The following LPGAT1 variants were observed in gnomAD, a reference collection of about 807,000 sequenced individuals.
The protein encoded by LPGAT1 is lysophosphatidylglycerol acyltransferase 1, also known as acyl-CoA:lysophosphatidylglycerol acyltransferase 1.
A neutral mutation model predicts 47.5 loss-of-function variants in LPGAT1; 11 were observed. That is an observed-to-expected ratio of 0.23 (90% confidence interval 0.15 to 0.38). The LOEUF is 0.38. Ranked by LOEUF, LPGAT1 falls within the 10% of genes least tolerant of loss-of-function variation. LPGAT1 has a pLI of 1.00. For synonymous variants in LPGAT1, 138 were observed against 144.2 expected (o/e 0.96, Z 0.31); for missense variants, 293 against 439.0 (o/e 0.67, Z 2.97).
intron 2 of LPGAT1, among the ~76,000 whole-genome samples, chr1:211,816,727 A>G (rs1660189919): frequency 6.6e-6 from 1 of 152,212 alleles, no homozygotes; most frequent in Non-Finnish European, 1.5e-5. Flanking sequence ...ACCAGGCTTC[A>G]CTTTACATTC....
Position 211,749,817 on chromosome 1 carries a change from T to C in LPGAT1, c.*82A>G, listed in dbSNP as rs1657099008. The C allele has an allele frequency of 7.3e-7, 1 of 1,370,900 alleles. No individual in the cohort carries two copies. Among genetic ancestry groups the C allele is most frequent in the Non-Finnish European group, 1.0e-6 (1 of 984,358 alleles). 84.9% of individuals were successfully genotyped at this position (1,370,900 alleles called of 1,614,324 possible). A position where few individuals can be genotyped will look rare whatever the true frequency, so the allele number is the denominator to read the frequency against. On this transcript the variant is annotated 3_prime_UTR_variant, in exon 8 of 8. Coordinates refer to ENST00000366997, the MANE Select transcript of LPGAT1 (RefSeq NM_014873.3). ...CTTTTGCTTTTTTTTAAATATATTC[T>C]GATTTGCACATGTAAAATAATGCAC...
At chr1:211,784,347 C>T (rs1658759654) in intron 4 of LPGAT1, among the ~76,000 whole-genome samples, 1 of 151,974 alleles carries the variant, frequency 6.6e-6, no homozygotes, top group African/African-American at 2.4e-5. Flanking sequence ...CAAAAATTAG[C>T]TGGGTGCGAT....
intron 4 of LPGAT1, 85 bp downstream of exon 4, chr1:211,787,547 T>A: frequency 5.0e-6 from 3 of 604,052 alleles, no homozygotes; most frequent in Non-Finnish European, 5.8e-6. Flanking sequence ...CTACCTATTA[T>A]AATTGGTTTT....
chr1:211,805,474 C>A (rs1659720763), intron 2 of LPGAT1, among the ~76,000 whole-genome samples: 1 of 152,074 alleles, frequency 6.6e-6, no homozygotes, highest in African/African-American at 2.4e-5. Context: ...ATCATAAAGT[C>A]AAAAAATTGT....
In LPGAT1 at chr1:211,799,913, G is replaced by A. The variant is rs150498377; in HGVS notation, c.239-6723C>T. 2.5e-3 allele frequency among the ~76,000 whole-genome samples: 373 copies of A among 152,214 alleles called. 3 individuals are homozygous for A. Among genetic ancestry groups the A allele is most frequent in the African/African-American group, 8.3e-3 (346 of 41,546 alleles). ...CCAGTCATCTGAAGATGAAACCTAA[G>A]ACTATCTTTCATTTCTCCCTTTCCT... On this transcript the variant is annotated intron_variant, in intron 2 of 7. Coordinates refer to ENST00000366997, the MANE Select transcript of LPGAT1 (RefSeq NM_014873.3).
chr1:211,776,802 A>G lies in LPGAT1; in HGVS notation c.854+2116T>C, dbSNP rs997084259. 4.5e-4 allele frequency among the ~76,000 whole-genome samples: 69 copies of G among 151,896 alleles called. 1 individual carries two copies. The highest frequency in any genetic ancestry group is 1.6e-3 in the African/African-American group (68 of 41,356). On this transcript the variant is annotated intron_variant, in intron 6 of 7. Transcript: ENST00000366997. Reference sequence around the variant, plus strand: ...TTTTCAAATCTCCCCATAGGTGAAGATAAGGAAGCCAACACGAAACAAAAC... The same window carrying G: ...TTTTCAAATCTCCCCATAGGTGAAGGTAAGGAAGCCAACACGAAACAAAAC...
chr1:211,755,802 ACT>A (rs1657421008), intron 6 of LPGAT1, among the ~76,000 whole-genome samples: 1 of 152,136 alleles, frequency 6.6e-6, no homozygotes, highest in South Asian at 2.1e-4. Context: ...ACAGAAAATA[ACT>A]CTCCCATTCT....
At chr1:211,777,207 A>G (rs1658439432) in intron 6 of LPGAT1, among the ~76,000 whole-genome samples, 1 of 152,162 alleles carries the variant, frequency 6.6e-6, no homozygotes, top group East Asian at 1.9e-4. Flanking sequence ...TGCTAAAGAC[A>G]TGGCCCAAAT....
Position 211,830,440 on chromosome 1 carries a change from C to T in LPGAT1, c.-28+133G>A, listed in dbSNP as rs1291003869. On this transcript the variant is annotated intron_variant, in intron 1 of 7. Coordinates refer to ENST00000366997, the MANE Select transcript of LPGAT1 (RefSeq NM_014873.3). The surrounding 1 kb of genome is among the most constrained non-coding windows in gnomAD (Gnocchi z 5.9). ...CCCGCCTCCTCCCCGGGGCCTACCG[C>T]GCCCTCGTCCCTCAGGCCGCTGCCG... 2 of 1,175,026 alleles carry T rather than the reference C, an allele frequency of 1.7e-6. No individual in the cohort carries two copies. The highest frequency in any genetic ancestry group is 2.1e-6 in the Non-Finnish European group (2 of 948,734). The allele number at this position is 1,175,026 out of a possible 1,614,324, so 72.8% of individuals were successfully genotyped here. A position where few individuals can be genotyped will look rare whatever the true frequency, so the allele number is the denominator to read the frequency against.
intron 6 of LPGAT1, among the ~76,000 whole-genome samples, chr1:211,770,368 G>C (rs935534285): frequency 6.6e-6 from 1 of 152,062 alleles, no homozygotes; most frequent in African/African-American, 2.4e-5. Flanking sequence ...GCCCTGTTTT[G>C]CATTTCCCTG....
In LPGAT1 at chr1:211,746,559, T is replaced by C. The variant is rs1656950311; in HGVS notation, c.*3340A>G. 6.6e-6 allele frequency: 1 copy of C among 152,182 alleles called. No individual in the cohort carries two copies. The allele number at this position is 152,182 out of a possible 1,614,324, so 9.4% of individuals were successfully genotyped here. ...ATTCAAACTCCTAAATAAAAGTAAT[T>C]TTTGATTTACCTATCATTTATTACC... is the stretch of plus-strand genomic sequence containing the variant. On this transcript the variant is annotated 3_prime_UTR_variant, in exon 8 of 8. Coordinates refer to ENST00000366997, the MANE Select transcript of LPGAT1 (RefSeq NM_014873.3).
chr1:211,830,492 C>T lies in LPGAT1; in HGVS notation c.-28+81G>A, dbSNP rs1157256640. The T allele has an allele frequency of 3.4e-6, 4 of 1,191,448 alleles. No individual in the cohort carries two copies. Among genetic ancestry groups the T allele is most frequent in the East Asian group, 3.5e-5 (1 of 28,572 alleles). The allele number at this position is 1,191,448 out of a possible 1,614,324, so 73.8% of individuals were successfully genotyped here. A position where few individuals can be genotyped will look rare whatever the true frequency, so the allele number is the denominator to read the frequency against. ...CTCCCCGGGCCACGCGACGACGACA[C>T]CCCCTTCCCCGCCCCCAGCGCCTCC... On this transcript the variant is annotated intron_variant, in intron 1 of 7. Coordinates refer to ENST00000366997, the MANE Select transcript of LPGAT1 (RefSeq NM_014873.3). The surrounding 1 kb of genome is among the most constrained non-coding windows in gnomAD (Gnocchi z 5.9).
At chr1:211,804,305 C>T (rs1488200797) in intron 2 of LPGAT1, among the ~76,000 whole-genome samples, 4 of 152,112 alleles carry the variant, frequency 2.6e-5, no homozygotes, top group African/African-American at 7.2e-5. Flanking sequence ...CCACCTTGGG[C>T]TCCCACAGTA....
At chr1:211,806,259 CAAAA>C (rs141014104) in intron 2 of LPGAT1, among the ~76,000 whole-genome samples, 2 of 88,206 alleles carry the variant, frequency 2.3e-5, no homozygotes, top group African/African-American at 4.4e-5. Context: ...GGGTCTGTCT[CAAAA>C]AAAAAAAAAA....
chr1:211,812,601 T>C (rs1430493290), intron 2 of LPGAT1, among the ~76,000 whole-genome samples: 1 of 152,204 alleles, frequency 6.6e-6, no homozygotes, highest in Non-Finnish European at 1.5e-5. Context: ...GTCAAATCCC[T>C]GGAACCTGTG....
chr1:211,798,881 T>C (rs981035679), intron 2 of LPGAT1, among the ~76,000 whole-genome samples: 2 of 152,046 alleles, frequency 1.3e-5, no homozygotes, highest in African/African-American at 4.8e-5. Flanking sequence ...TACTGATTAA[T>C]GGAGTGGAGA....
intron 2 of LPGAT1, among the ~76,000 whole-genome samples, chr1:211,820,594 G>A (rs1660334994): frequency 6.6e-6 from 1 of 150,510 alleles, no homozygotes; most frequent in Non-Finnish European, 1.5e-5. Context: ...AGAAGAAACT[G>A]ATAGGAGAAC....
chr1:211,829,332 A>C lies in LPGAT1; in HGVS notation c.-27-9T>G. On this transcript the variant is annotated splice_polypyrimidine_tract_variant and intron_variant, in intron 1 of 7. Transcript: ENST00000366997. Reference sequence around the variant, plus strand: ...GACTCCGTCCTGTCTTTCTGGGGTGAAAGAAAAATTCACTTAAAAAGGAAA... The same window carrying C: ...GACTCCGTCCTGTCTTTCTGGGGTGCAAGAAAAATTCACTTAAAAAGGAAA... 6.2e-7 allele frequency: 1 copy of C among 1,608,510 alleles called. No homozygotes were observed. Among genetic ancestry groups the C allele is most frequent in the Non-Finnish European group, 8.5e-7 (1 of 1,176,918 alleles).
At chr1:211,813,479 C>A (rs1252058445) in intron 2 of LPGAT1, among the ~76,000 whole-genome samples, 1 of 151,996 alleles carries the variant, frequency 6.6e-6, no homozygotes, top group East Asian at 1.9e-4. Flanking sequence ...GATCAGAGAG[C>A]AAAATTTTCA....
Sources: allele counts gnomAD v4.1 joint callset (sites outside exome capture counted in the v4.1 genomes callset), GRCh38; gene constraint gnomAD v4.1.1; non-coding constraint Gnocchi (gnomAD v3.1); transcripts MANE v1.5; gene names NCBI Gene and HGNC (gene_info 2026-07-23, HGNC 2026-07-21).